The following ARHGAP21 variants were observed in gnomAD, a reference collection of about 807,000 sequenced individuals.
ARHGAP21 encodes rho GTPase-activating protein 21.
A neutral mutation model predicts 164.6 loss-of-function variants in ARHGAP21; 38 were observed. The ratio of observed to expected loss-of-function variants is 0.23; its 90% confidence interval spans 0.18 to 0.30. The LOEUF (loss-of-function observed/expected upper bound fraction) is 0.30. Among genes scored for constraint, ARHGAP21 ranks in the 10% least tolerant of loss-of-function variants. ARHGAP21 has a pLI of 1.00. For synonymous variants in ARHGAP21, 766 were observed against 857.9 expected, an observed-to-expected ratio of 0.89 and a Z score of 1.87; for missense variants, 1,822 against 2,370.7, an observed-to-expected ratio of 0.77 and a Z score of 4.81.
intron 14 of ARHGAP21, among the ~76,000 whole-genome samples, chr10:24,599,231 C>G (rs2076709756): frequency 6.6e-6 from 1 of 152,204 alleles, no homozygotes; most frequent in African/African-American, 2.4e-5. Flanking sequence ...CAATGACAGT[C>G]TACTGCCTGA....
chr10:24,689,585 C>A (rs536184455), intron 2 of ARHGAP21, among the ~76,000 whole-genome samples: 106 of 151,932 alleles, frequency 7.0e-4, no homozygotes, highest in African/African-American at 2.5e-3. Context: ...ACAAAAAATA[C>A]AAAAAATTAG....
At position 24,723,865 on chromosome 10, in the gene ARHGAP21, C is replaced by G. The variant is rs1320054217; in HGVS notation, c.-684G>C. ...CGGGCCGGGGCCCAGCTCCGGCGCC[C>G]GCGAACGCCAAGTGACAGAAGCGCC... is the stretch of plus-strand genomic sequence containing the variant. On this transcript the variant is annotated 5_prime_UTR_variant, in exon 1 of 26. Coordinates refer to ENST00000396432, the MANE Select transcript of ARHGAP21 (RefSeq NM_020824.4). Among the ~76,000 whole-genome samples, 1 of 151,076 alleles carries G rather than the reference C, an allele frequency of 6.6e-6. No homozygotes were observed. Among genetic ancestry groups the G allele is most frequent in the Non-Finnish European group, 1.5e-5 (1 of 67,738 alleles).
chr10:24,649,263 C>G (rs2131528853), intron 4 of ARHGAP21, among the ~76,000 whole-genome samples: 1 of 152,232 alleles, frequency 6.6e-6, no homozygotes, highest in South Asian at 2.1e-4. Flanking sequence ...CATGTAAAAC[C>G]TAGCTGCTAG....
chr10:24,629,700 T>A (rs908422295), intron 7 of ARHGAP21: 5 of 378,316 alleles, frequency 1.3e-5, no homozygotes, highest in South Asian at 1.1e-4. Context: ...CTTCCTTTGG[T>A]CCAAGGATGA....
chr10:24,672,495 C>T (rs1239842067), intron 2 of ARHGAP21, among the ~76,000 whole-genome samples: 5 of 152,176 alleles, frequency 3.3e-5, no homozygotes, highest in Non-Finnish European at 7.3e-5. Flanking sequence ...ACATTAAACA[C>T]CGTCTAATAT....
chr10:24,650,305 G>A (rs1356655435), intron 4 of ARHGAP21, among the ~76,000 whole-genome samples: 1 of 152,140 alleles, frequency 6.6e-6, no homozygotes, highest in Admixed American at 6.5e-5. Flanking sequence ...GGGACTGCCT[G>A]AGGCCAGGAG....
chr10:24,638,737 A>T (rs1242600497), intron 4 of ARHGAP21, among the ~76,000 whole-genome samples: 1 of 152,228 alleles, frequency 6.6e-6, no homozygotes, highest in Non-Finnish European at 1.5e-5. Context: ...ATCAAAAGAG[A>T]GTGTGCCTTT....
intron 2 of ARHGAP21, among the ~76,000 whole-genome samples, chr10:24,716,050 C>T (rs1845347502): frequency 1.3e-5 from 2 of 152,158 alleles, no homozygotes; most frequent in South Asian, 4.1e-4. Context: ...ACTACATGTC[C>T]AAATGCAAAC....
intron 2 of ARHGAP21, among the ~76,000 whole-genome samples, chr10:24,693,397 T>C (rs1842902499): frequency 6.6e-6 from 1 of 151,550 alleles, no homozygotes; most frequent in Admixed American, 6.6e-5. Context: ...AAGGCTAGAG[T>C]GCAATGGCAC....
At chr10:24,707,071 A>T (rs952097410) in intron 2 of ARHGAP21, among the ~76,000 whole-genome samples, 4 of 152,206 alleles carry the variant, frequency 2.6e-5, no homozygotes, top group Non-Finnish European at 5.9e-5. Flanking sequence ...CAGTAGCGCC[A>T]CACAGAGCTA....
chr10:24,697,430 CTT>C (rs1843270231), intron 2 of ARHGAP21, among the ~76,000 whole-genome samples: 1 of 152,172 alleles, frequency 6.6e-6, no homozygotes. Context: ...CCTATCCCAT[CTT>C]TTCTTCTTCT....
intron 4 of ARHGAP21, among the ~76,000 whole-genome samples, chr10:24,654,535 T>A (rs1838584849): frequency 6.6e-6 from 1 of 152,078 alleles, no homozygotes; most frequent in African/African-American, 2.4e-5. Flanking sequence ...TCAAAGAGAA[T>A]AAAATACCTG....
intron 7 of ARHGAP21, among the ~76,000 whole-genome samples, chr10:24,627,746 T>C (rs942355928): frequency 9.2e-5 from 14 of 152,214 alleles, no homozygotes; most frequent in African/African-American, 2.9e-4. Context: ...AGAACAAAAC[T>C]AATTTTTCTT....
intron 21 of ARHGAP21, 117 bp from the exon 22 acceptor site, chr10:24,592,129 AT>A (rs2076355548): frequency 1.2e-6 from 1 of 856,840 alleles, no homozygotes; most frequent in Non-Finnish European, 1.7e-6. Context: ...TTTGATGTAG[AT>A]TAAAAAAATA....
intron 2 of ARHGAP21, among the ~76,000 whole-genome samples, chr10:24,704,285 T>C (rs1565191879): frequency 6.8e-6 from 1 of 147,400 alleles, no homozygotes; most frequent in African/African-American, 2.6e-5. Context: ...ACATTTTTTC[T>C]TTTCTTTTTT....
chr10:24,641,295 T>C (rs1158264292), intron 4 of ARHGAP21, among the ~76,000 whole-genome samples: 2 of 152,218 alleles, frequency 1.3e-5, no homozygotes, highest in Non-Finnish European at 1.5e-5. Context: ...AGTCCTTTGT[T>C]TGTTTGTTTT....
At chr10:24,628,852 TATATATACACATATATACATAC>T (rs1565053316) in intron 7 of ARHGAP21, among the ~76,000 whole-genome samples, 1 of 135,736 alleles carries the variant, frequency 7.4e-6, no homozygotes, top group African/African-American at 2.8e-5. Flanking sequence ...TACACATACA[TATATATACACATATATACATAC>T]ATATATACAC....
At chr10:24,590,274 G>A in intron 24 of ARHGAP21, 2 of 1,518,970 alleles carry the variant, frequency 1.3e-6, no homozygotes, top group Non-Finnish European at 1.8e-6. Flanking sequence ...TAAGAAAGTA[G>A]TATTGATCTG....
intron 2 of ARHGAP21, among the ~76,000 whole-genome samples, chr10:24,689,840 ATATATG>A (rs1363264272): frequency 6.8e-6 from 1 of 148,056 alleles, no homozygotes; most frequent in African/African-American, 2.5e-5. Flanking sequence ...GTATGTGTAT[ATATATG>A]TATATATGTA....
Sources: gnomAD v4.1 joint callset for allele counts (sites outside exome capture counted in the v4.1 genomes callset) on GRCh38, gnomAD v4.1.1 for gene constraint, MANE v1.5 for transcripts, NCBI Gene and HGNC (gene_info 2026-07-23, HGNC 2026-07-21) for gene names.